The following DRC9 variants were observed in gnomAD, a reference collection of about 807,000 sequenced individuals.
DRC9 encodes the protein dynein regulatory complex protein 9.
the DRC9 span, among the ~76,000 whole-genome samples, chr3:197,897,869 C>T: frequency 6.7e-6 from 1 of 149,720 alleles, no homozygotes; most frequent in Non-Finnish European, 1.5e-5. Context: ...CTCCCGGGTT[C>T]ATGCCATTCT....
chr3:197,910,149 T>G, the DRC9 span, among the ~76,000 whole-genome samples: 1 of 151,944 alleles, frequency 6.6e-6, no homozygotes, highest in Non-Finnish European at 1.5e-5. Context: ...CTGTCTGAAA[T>G]TGTAGCTGGA....
the DRC9 span, among the ~76,000 whole-genome samples, chr3:197,936,206 T>C: frequency 2.0e-5 from 3 of 152,264 alleles, no homozygotes; most frequent in South Asian, 6.2e-4. Flanking sequence ...TGTAATTTTG[T>C]CTTTTGACAG....
chr3:197,935,979 G>A, the DRC9 span, among the ~76,000 whole-genome samples: 1 of 151,976 alleles, frequency 6.6e-6, no homozygotes, highest in African/African-American at 2.4e-5. Flanking sequence ...CTGGCGCGGT[G>A]GCTCACGTCT....
chr3:197,891,363 T>A, the DRC9 span: 5 of 745,826 alleles, frequency 6.7e-6, no homozygotes, highest in Non-Finnish European at 1.2e-5. Context: ...TATACTGAGA[T>A]GTGTTTGATA....
chr3:197,896,665 G>C, the DRC9 span, among the ~76,000 whole-genome samples: 1 of 152,316 alleles, frequency 6.6e-6, no homozygotes, highest in East Asian at 1.9e-4. Flanking sequence ...CAAATCCCGT[G>C]TCTGGTGAGT....
chr3:197,905,227 G>A, the DRC9 span, among the ~76,000 whole-genome samples: 6 of 152,112 alleles, frequency 3.9e-5, no homozygotes, highest in Non-Finnish European at 5.9e-5. Context: ...AACCAAACGC[G>A]TGTAATGAGA....
chr3:197,932,249 G>T, the DRC9 span: 1 of 1,612,670 alleles, frequency 6.2e-7, no homozygotes, highest in Non-Finnish European at 8.5e-7. Flanking sequence ...GTTGTAAGTG[G>T]CCGAATCTTG....
the DRC9 span, among the ~76,000 whole-genome samples, chr3:197,908,251 A>AG: frequency 6.2e-3 from 792 of 127,532 alleles, 34 homozygotes; most frequent in Admixed American, 0.013. Flanking sequence ...CTGAAGAGTG[A>AG]CCCCTTTCCC....
chr3:197,893,325 C>T, the DRC9 span, among the ~76,000 whole-genome samples: 1 of 137,558 alleles, frequency 7.3e-6, no homozygotes, highest in Non-Finnish European at 1.5e-5. Flanking sequence ...CCATTGCACT[C>T]CAGCCTGGGC....
the DRC9 span, chr3:197,912,396 T>G: frequency 2.2e-5 from 6 of 274,998 alleles, no homozygotes; most frequent in Non-Finnish European, 4.1e-5. Context: ...AATTAAGTCA[T>G]AATTTGAAAA....
the DRC9 span, among the ~76,000 whole-genome samples, chr3:197,935,540 G>A: frequency 6.6e-6 from 1 of 152,084 alleles, no homozygotes; most frequent in Non-Finnish European, 1.5e-5. Context: ...CTGGAATGCA[G>A]TGGCATGATC....
chr3:197,897,327 ATAAT>A, the DRC9 span, among the ~76,000 whole-genome samples: 1 of 152,210 alleles, frequency 6.6e-6, no homozygotes, highest in South Asian at 2.1e-4. Context: ...CAAGCCAAAT[ATAAT>A]TAAGAGAGAC....
chr3:197,919,516 T>A, the DRC9 span, among the ~76,000 whole-genome samples: 3 of 152,226 alleles, frequency 2.0e-5, no homozygotes, highest in Admixed American at 2.0e-4. Context: ...CATGGACTGA[T>A]GCATCACAGT....
chr3:197,897,266 G>A, the DRC9 span, among the ~76,000 whole-genome samples: 1 of 152,018 alleles, frequency 6.6e-6, no homozygotes, highest in African/African-American at 2.4e-5. Context: ...AACAACCAGA[G>A]CAAAAGGAAA....
chr3:197,913,811 CT>C, the DRC9 span: 1 of 1,460,668 alleles, frequency 6.8e-7, no homozygotes, highest in Non-Finnish European at 9.6e-7. Context: ...CCTTTGTTAG[CT>C]GAGAGGGGAT....
At chr3:197,954,624 C>T in the DRC9 span, among the ~76,000 whole-genome samples, 40,884 of 152,138 alleles carry the variant, frequency 0.27, 8,153 homozygotes, top group African/African-American at 0.57. Flanking sequence ...ATTCTTGTGC[C>T]TCAGCCTCCC....
the DRC9 span, among the ~76,000 whole-genome samples, chr3:197,905,510 G>T: frequency 6.6e-6 from 1 of 152,156 alleles, no homozygotes; most frequent in African/African-American, 2.4e-5. Flanking sequence ...ACTTCGGGAG[G>T]CTGAGGCGGG....
chr3:197,953,909 A>T, the DRC9 span: 2 of 1,265,194 alleles, frequency 1.6e-6, no homozygotes, highest in Non-Finnish European at 2.3e-6. Flanking sequence ...TGAAGTGGGT[A>T]ACCAGGGTTG....
At chr3:197,914,099 C>A in the DRC9 span, 2 of 1,438,636 alleles carry the variant, frequency 1.4e-6, no homozygotes, top group Middle Eastern at 3.5e-4. Flanking sequence ...CCATTCAGTT[C>A]AGTCAGCGGC....
Sources: allele counts gnomAD v4.1 joint callset (sites outside exome capture counted in the v4.1 genomes callset), GRCh38; gene constraint gnomAD v4.1.1; transcripts MANE v1.5; gene names NCBI Gene and HGNC (gene_info 2026-07-23, HGNC 2026-07-21).